Variants in EVA1A observed in about 807,000 individuals in gnomAD.
The protein encoded by EVA1A is eva-1 homolog A, regulator of programmed cell death.
A neutral mutation model predicts 9.8 loss-of-function variants in EVA1A; 7 were observed. That is an observed-to-expected ratio of 0.71 (90% CI 0.41 to 1.34). EVA1A has a LOEUF of 1.34. Ranked by LOEUF, EVA1A falls within the 40% of genes most tolerant of loss-of-function variation. EVA1A has a pLI of 0.01. For missense variants in EVA1A, 206 were observed against 205.9 expected (o/e 1.00, Z 0.00); for synonymous variants, 90 against 85.6 (o/e 1.05, Z -0.28).
At chr2:75,526,965 T>A (rs753708661) in intron 1 of EVA1A, among the ~76,000 whole-genome samples, 1 of 152,098 alleles carries the variant, frequency 6.6e-6, no homozygotes, top group Non-Finnish European at 1.5e-5. Flanking sequence ...TAAAGGATAA[T>A]GCACACTAAG....
intron 1 of EVA1A, among the ~76,000 whole-genome samples, chr2:75,545,021 C>T (rs1676278148): frequency 6.6e-6 from 1 of 152,172 alleles, no homozygotes; most frequent in African/African-American, 2.4e-5. Flanking sequence ...TCATTGTTTT[C>T]ATTAACTGTA....
At chr2:75,508,720 A>C (rs556946269) in intron 3 of EVA1A, among the ~76,000 whole-genome samples, 9 of 151,966 alleles carry the variant, frequency 5.9e-5, no homozygotes, top group African/African-American at 1.9e-4. Context: ...TCCCTAATAA[A>C]AACTTGCTGG....
chr2:75,531,533 G>GTT (rs974923785), intron 1 of EVA1A, among the ~76,000 whole-genome samples: 15 of 129,876 alleles, frequency 1.2e-4, no homozygotes, highest in Non-Finnish European at 2.3e-4. Context: ...ATAATATGTA[G>GTT]TTATATATAT....
At chr2:75,520,786 A>G (rs1426683591) in intron 2 of EVA1A, among the ~76,000 whole-genome samples, 6 of 152,154 alleles carry the variant, frequency 3.9e-5, no homozygotes, top group Non-Finnish European at 8.8e-5. Context: ...ATTGGATTTG[A>G]CAATGATTTC....
At chr2:75,545,899 A>T (rs1676312374) in intron 1 of EVA1A, among the ~76,000 whole-genome samples, 1 of 152,130 alleles carries the variant, frequency 6.6e-6, no homozygotes, top group South Asian at 2.1e-4. Context: ...GGTCAGTCTC[A>T]AAGAAGTAGG....
At chr2:75,554,540 A>G (rs532006826) in intron 1 of EVA1A, among the ~76,000 whole-genome samples, 49 of 152,234 alleles carry the variant, frequency 3.2e-4, no homozygotes, top group Non-Finnish European at 6.2e-4. Context: ...TTCTAAAAGT[A>G]TCTTTGATGA....
chr2:75,508,531 A>G (rs927650664), intron 3 of EVA1A, among the ~76,000 whole-genome samples: 3 of 152,102 alleles, frequency 2.0e-5, no homozygotes, highest in African/African-American at 7.2e-5. Flanking sequence ...CTGTCTCCTG[A>G]TAAGATGTTA....
intron 3 of EVA1A, 42 bp downstream of exon 3, chr2:75,518,014 C>G: frequency 1.2e-6 from 2 of 1,611,052 alleles, no homozygotes; most frequent in Non-Finnish European, 1.7e-6. Context: ...TTGGACCCAG[C>G]CCCAGACCTC....
chr2:75,496,406 C>A (rs1674213453), intron 3 of EVA1A, among the ~76,000 whole-genome samples: 1 of 151,844 alleles, frequency 6.6e-6, no homozygotes, highest in South Asian at 2.1e-4. Context: ...AGCTGAGAGC[C>A]AAATCAAAAG....
At chr2:75,555,301 ATCTCTCTC>A (rs58092436) in intron 1 of EVA1A, among the ~76,000 whole-genome samples, 15 of 57,154 alleles carry the variant, frequency 2.6e-4, no homozygotes, top group African/African-American at 5.9e-4. Context: ...TCAAAACTCA[ATCTCTCTC>A]TCTCTCTCTC....
intron 3 of EVA1A, among the ~76,000 whole-genome samples, chr2:75,512,608 G>C (rs1572956425): frequency 6.6e-6 from 1 of 152,180 alleles, no homozygotes; most frequent in Non-Finnish European, 1.5e-5. Context: ...AGTAGTAAAG[G>C]TCAGACATTA....
At chr2:75,559,962 C>G (rs1483976880) in intron 1 of EVA1A, among the ~76,000 whole-genome samples, 1 of 152,196 alleles carries the variant, frequency 6.6e-6, no homozygotes, top group Non-Finnish European at 1.5e-5. Context: ...GTGGTTGGCA[C>G]TCCTCTCCTT....
chr2:75,494,957 G>A (rs1269517729), intron 3 of EVA1A, among the ~76,000 whole-genome samples: 1 of 152,100 alleles, frequency 6.6e-6, no homozygotes, highest in Non-Finnish European at 1.5e-5. Context: ...TGTGACCCCT[G>A]TAAGATGTGC....
chr2:75,514,473 T>C (rs1205232640), intron 3 of EVA1A, among the ~76,000 whole-genome samples: 2 of 152,184 alleles, frequency 1.3e-5, no homozygotes, highest in Non-Finnish European at 2.9e-5. Context: ...ATATGTATGG[T>C]ATAATTCAAA....
chr2:75,557,736 T>C (rs1267075381), intron 1 of EVA1A, among the ~76,000 whole-genome samples: 1 of 152,230 alleles, frequency 6.6e-6, no homozygotes, highest in African/African-American at 2.4e-5. Flanking sequence ...AGGCTCAATT[T>C]AGCATCAAGA....
At chr2:75,496,777 A>C (rs1410508746) in intron 3 of EVA1A, among the ~76,000 whole-genome samples, 1 of 152,178 alleles carries the variant, frequency 6.6e-6, no homozygotes, top group African/African-American at 2.4e-5. Context: ...CACATTACCC[A>C]ACTTCAAGTT....
At chr2:75,508,613 G>A (rs964750761) in intron 3 of EVA1A, among the ~76,000 whole-genome samples, 5 of 151,946 alleles carry the variant, frequency 3.3e-5, no homozygotes, top group Admixed American at 2.0e-4. Context: ...CTGTGATCTC[G>A]CCCTGCCTCC....
intron 1 of EVA1A, among the ~76,000 whole-genome samples, chr2:75,538,882 A>G (rs1676011740): frequency 6.6e-6 from 1 of 152,236 alleles, no homozygotes; most frequent in Non-Finnish European, 1.5e-5. Flanking sequence ...AAAAAACGGC[A>G]ACATGAGAAA....
chr2:75,562,355 G>A (rs559701936), upstream of EVA1A, among the ~76,000 whole-genome samples: 8 of 152,276 alleles, frequency 5.3e-5, no homozygotes, highest in Admixed American at 5.2e-4. Flanking sequence ...ATGCTCTCAA[G>A]ATGATCTCAT....
Sources: gnomAD v4.1 joint callset for allele counts (sites outside exome capture counted in the v4.1 genomes callset) on GRCh38, gnomAD v4.1.1 for gene constraint, MANE v1.5 for transcripts, NCBI Gene and HGNC (gene_info 2026-07-23, HGNC 2026-07-21) for gene names.